PARD6B: variants seen among roughly 807,000 people sequenced by gnomAD.
The protein encoded by PARD6B is par-6 family cell polarity regulator beta.
A neutral mutation model predicts 10.5 loss-of-function variants in PARD6B; 4 were observed. That is an observed-to-expected ratio of 0.38 (90% CI 0.19 to 0.87). PARD6B has a LOEUF of 0.87. PARD6B is among the 40% of genes least tolerant of loss of function. The pLI, the probability that PARD6B is intolerant of heterozygous loss-of-function variation, is 0.41. For synonymous variants in PARD6B, 169 were observed against 170.4 expected, an observed-to-expected ratio of 0.99 and a Z score of 0.07; for missense variants, 396 against 470.6, an observed-to-expected ratio of 0.84 and a Z score of 1.47.
chr20:50,737,907 A>G lies in PARD6B; in HGVS notation c.117A>G (p.Lys39=). ...CGCTGGAAAGATCAAAACCTGGAAA[A>G]TTTGAGGAGTTTTATGGATTACTAC... ...RFSLERSKPG[K]FEEFYGLLQH... Residue 39 remains lysine, a synonymous_variant, in exon 2 of 3, where the codon AAA becomes AAG. Transcript: ENST00000371610. 1 of 1,609,318 alleles carries G rather than the reference A, an allele frequency of 6.2e-7. No individual in the cohort carries two copies. Among genetic ancestry groups the G allele is most frequent in the Non-Finnish European group, 8.5e-7 (1 of 1,178,174 alleles).
In PARD6B at chr20:50,753,076, T is replaced by TCTC. The variant is rs1555883174; in HGVS notation, c.*2588_*2589insCTC. 5.7e-5 allele frequency: 45 copies of TCTC among 785,624 alleles called. No homozygotes were observed. Among genetic ancestry groups the TCTC allele is most frequent in the African/African-American group, 1.9e-4 (8 of 41,582 alleles). 48.7% of individuals were successfully genotyped at this position (785,624 alleles called of 1,614,324 possible). A position where few individuals can be genotyped will look rare whatever the true frequency, so the allele number is the denominator to read the frequency against. ...AATATTTTTACACACTACCTCTCTC[T>TCTC]TTTTTTTTTTAAAGTTTTAACATCA... On this transcript the variant is annotated 3_prime_UTR_variant, in exon 3 of 3. Transcript: ENST00000371610.
In PARD6B at chr20:50,737,938, GT is replaced by G. The variant is rs749779058; in HGVS notation, c.150del (p.His51IlefsTer10). ...FEEFYGLLQHVHKIPNVDVLV... is the reference protein window; with the variant it reads ...FEEFYGLLQHXHKIPNVDVLV... ...GGAGTTTTATGGATTACTACAACAT[GT>G]TCATAAGATCCCCAATGTTGACGTT... On this transcript the variant is annotated frameshift_variant, in exon 2 of 3. Transcript: ENST00000371610. LOFTEE classifies it high-confidence loss of function. 6.2e-7 allele frequency: 1 copy of G among 1,612,950 alleles called. No homozygotes were observed. Among genetic ancestry groups the G allele is most frequent in the Non-Finnish European group, 8.5e-7 (1 of 1,179,744 alleles).
rs58629233 is a variant in PARD6B, at chr20:50,747,489, C to CTTTTTTTTTTTTTTTTTTTTTTTT, written c.290-2147_290-2146insTTTTTTTTTTTTTTTTTTTTTTTT. ...TTTCTTTTTCTTTTTTTCTTTCTTT[C>CTTTTTTTTTTTTTTTTTTTTTTTT]TTTTTTTTTTTTTTTTTTTTTTTGC... On this transcript the variant is annotated intron_variant, in intron 2 of 2. Coordinates refer to ENST00000371610, the MANE Select transcript of PARD6B (RefSeq NM_032521.3). Among the ~76,000 whole-genome samples, 77 of 33,360 alleles carry CTTTTTTTTTTTTTTTTTTTTTTTT rather than the reference C, an allele frequency of 2.3e-3. 4 individuals are homozygous for CTTTTTTTTTTTTTTTTTTTTTTTT. The highest frequency in any genetic ancestry group is 8.2e-3 in the East Asian group (6 of 728). The allele number at this position is 33,360 out of a possible 152,430, so 21.9% of individuals were successfully genotyped here.
At chr20:50,748,299 A>G (rs1372648338) in intron 2 of PARD6B, among the ~76,000 whole-genome samples, 3 of 152,250 alleles carry the variant, frequency 2.0e-5, no homozygotes, top group Admixed American at 6.5e-5. Flanking sequence ...AGCTGAGATC[A>G]TGCCTCTGCA....
chr20:50,746,710 G>A (rs1186432055), intron 2 of PARD6B, among the ~76,000 whole-genome samples: 1 of 152,196 alleles, frequency 6.6e-6, no homozygotes, highest in Admixed American at 6.5e-5. Flanking sequence ...GCATTCAAAT[G>A]GAGTCTGGAT....
intron 2 of PARD6B, among the ~76,000 whole-genome samples, chr20:50,741,704 G>T (rs747834028): frequency 6.6e-6 from 1 of 151,918 alleles, no homozygotes; most frequent in Non-Finnish European, 1.5e-5. Context: ...AACACACCCG[G>T]CTAATTTTTT....
rs964085781 is a variant in PARD6B, at chr20:50,750,565, C to G, written c.*77C>G. On this transcript the variant is annotated 3_prime_UTR_variant, in exon 3 of 3. Coordinates refer to ENST00000371610, the MANE Select transcript of PARD6B (RefSeq NM_032521.3). ...TTGGCTAGTTTAAAAGCATATATAC[C>G]TCTGACCAGTGACGTGGAATAGGCA... The G allele has an allele frequency of 1.3e-4, 190 of 1,502,444 alleles. No homozygotes were observed. The highest frequency in any genetic ancestry group is 1.6e-4 in the Non-Finnish European group (185 of 1,131,518). 93.1% of individuals were successfully genotyped at this position (1,502,444 alleles called of 1,614,324 possible). A position where few individuals can be genotyped will look rare whatever the true frequency, so the allele number is the denominator to read the frequency against.
At chr20:50,741,825 C>T (rs926441887) in intron 2 of PARD6B, among the ~76,000 whole-genome samples, 9 of 151,468 alleles carry the variant, frequency 5.9e-5, no homozygotes, top group African/African-American at 1.7e-4. Flanking sequence ...GGATTACAGG[C>T]GTGAGCCACC....
chr20:50,750,409 G>A lies in PARD6B; in HGVS notation c.1040G>A (p.Ser347Asn), dbSNP rs2087595837. Residue 347 changes from serine (S) to asparagine (N), a missense_variant, in exon 3 of 3, where the codon AGC becomes AAC. Physicochemically the swap from Ser to Asn is conservative, Grantham distance 46 (BLOSUM62 1). Coordinates refer to ENST00000371610, the MANE Select transcript of PARD6B (RefSeq NM_032521.3). ...GAAGTGAGCTTAGCAGCCATAGCAA[G>A]CAGCTCAAACACGGAATTTGAAACA... ...SNEVSLAAIA[S>N]SSNTEFETHA... 1 of 1,614,046 alleles carries A rather than the reference G, an allele frequency of 6.2e-7. No homozygotes were observed. The highest frequency in any genetic ancestry group is 1.1e-5 in the South Asian group (1 of 91,088).
Position 50,752,154 on chromosome 20 carries a change from C to T in PARD6B, c.*1666C>T, listed in dbSNP as rs1253804582. On this transcript the variant is annotated 3_prime_UTR_variant, in exon 3 of 3. Coordinates refer to ENST00000371610, the MANE Select transcript of PARD6B (RefSeq NM_032521.3). ...GACTTTGGAAATATGGAAGTCTCTCCTTTAACCTATTCTTGTTCCCATTCC... is the reference window on the plus strand; with the variant it reads ...GACTTTGGAAATATGGAAGTCTCTCTTTTAACCTATTCTTGTTCCCATTCC... 1.0e-6 allele frequency: 1 copy of T among 985,438 alleles called. No individual in the cohort carries two copies. Among genetic ancestry groups the T allele is most frequent in the African/African-American group, 1.7e-5 (1 of 57,196 alleles). The allele number at this position is 985,438 out of a possible 1,614,324, so 61.0% of individuals were successfully genotyped here.
rs759450584 is a variant in PARD6B, at chr20:50,737,849, G to A, written c.67-8G>A. 7.4e-6 allele frequency: 11 copies of A among 1,493,672 alleles called. No homozygotes were observed. The highest frequency in any genetic ancestry group is 5.5e-5 in the South Asian group (4 of 72,784). The allele number at this position is 1,493,672 out of a possible 1,614,324, so 92.5% of individuals were successfully genotyped here. A position where few individuals can be genotyped will look rare whatever the true frequency, so the allele number is the denominator to read the frequency against. On this transcript the variant is annotated splice_region_variant and splice_polypyrimidine_tract_variant and intron_variant, in intron 1 of 2. Coordinates refer to ENST00000371610, the MANE Select transcript of PARD6B (RefSeq NM_032521.3). ...TTTTTTTAAGTAATATGTTTGTTAC[G>A]TTTATAGTTTGGAGCTGAATTTCGT... is the stretch of plus-strand genomic sequence containing the variant.
chr20:50,743,884 G>T (rs1284031924), intron 2 of PARD6B, among the ~76,000 whole-genome samples: 1 of 139,304 alleles, frequency 7.2e-6, no homozygotes, highest in African/African-American at 2.7e-5. Context: ...GCGAGACTCC[G>T]TCTCAAAAAA....
chr20:50,743,210 G>A (rs1281916914), intron 2 of PARD6B, among the ~76,000 whole-genome samples: 1 of 152,228 alleles, frequency 6.6e-6, no homozygotes, highest in Non-Finnish European at 1.5e-5. Context: ...AATCAGCCAG[G>A]TGGAGGATCT....
At chr20:50,744,875 A>G (rs2087557147) in intron 2 of PARD6B, among the ~76,000 whole-genome samples, 1 of 152,174 alleles carries the variant, frequency 6.6e-6, no homozygotes, top group Non-Finnish European at 1.5e-5. Flanking sequence ...GTGTGCTTAT[A>G]GCTCTCAGCA....
In PARD6B at chr20:50,750,839, G is replaced by A. The variant is rs756660274; in HGVS notation, c.*351G>A. On this transcript the variant is annotated 3_prime_UTR_variant, in exon 3 of 3. Coordinates refer to ENST00000371610, the MANE Select transcript of PARD6B (RefSeq NM_032521.3). Reference sequence around the variant, plus strand: ...TATTTAACCTGCTGTGCAGAGCCCAGTTAATTTTTCCTTTAACTGTATTTT... The same window carrying A: ...TATTTAACCTGCTGTGCAGAGCCCAATTAATTTTTCCTTTAACTGTATTTT... 1.2e-5 allele frequency: 12 copies of A among 1,012,236 alleles called. No homozygotes were observed. Among genetic ancestry groups the A allele is most frequent in the Non-Finnish European group, 1.4e-5 (12 of 846,650 alleles). 62.7% of individuals were successfully genotyped at this position (1,012,236 alleles called of 1,614,324 possible).
intron 1 of PARD6B, among the ~76,000 whole-genome samples, chr20:50,735,342 G>C (rs1033335146): frequency 2.0e-5 from 3 of 152,186 alleles, no homozygotes; most frequent in African/African-American, 7.2e-5. Flanking sequence ...GTGTTGGGAA[G>C]ATTCTTAATC....
rs371618647 is a variant in PARD6B, at chr20:50,749,951, A to C, written c.582A>C (p.Ile194=). 6.2e-7 allele frequency: 1 copy of C among 1,614,114 alleles called. No individual in the cohort carries two copies. The highest frequency in any genetic ancestry group is 1.3e-5 in the African/African-American group (1 of 74,932). Residue 194 remains isoleucine (I), a synonymous_variant, in exon 3 of 3, where the codon ATA becomes ATC. Transcript: ENST00000371610. The part of the protein sequence containing the change: ...HGLEKVPGIF[I]SRLVPGGLAQ... ...TAGAAAAGGTTCCAGGGATCTTTAT[A>C]TCCAGGCTTGTCCCAGGAGGTCTGG...
At chr20:50,749,608 A>G (rs745639735) in intron 2 of PARD6B, 51 bp from the exon 3 acceptor site, 15 of 1,434,870 alleles carry the variant, frequency 1.0e-5, no homozygotes, top group South Asian at 2.9e-5. Context: ...CTGCAAGTGA[A>G]TAGATATTTT....
At chr20:50,739,791 G>A (rs2087520610) in intron 2 of PARD6B, among the ~76,000 whole-genome samples, 1 of 115,748 alleles carries the variant, frequency 8.6e-6, no homozygotes, top group African/African-American at 3.2e-5. Flanking sequence ...ATGAATTGGA[G>A]TGGGCAGCAG....
Sources: gnomAD v4.1 joint callset for allele counts (sites outside exome capture counted in the v4.1 genomes callset) on GRCh38, gnomAD v4.1.1 for gene constraint, MANE v1.5 for transcripts, NCBI Gene and HGNC (gene_info 2026-07-23, HGNC 2026-07-21) for gene names.